The following MGA variants were observed in gnomAD, a reference collection of about 807,000 sequenced individuals.
MGA encodes MAX gene-associated protein.
A neutral mutation model predicts 261.1 loss-of-function variants in MGA; 40 were observed. The observed-to-expected ratio is 0.15, with a 90% CI of 0.12 to 0.20. The LOEUF is 0.20. Ranked by LOEUF, MGA falls within the 10% of genes least tolerant of loss-of-function variation. The probability of loss-of-function intolerance (pLI) is 1.00; values close to 1 mark genes in which losing one functional copy is unlikely to be tolerated. For synonymous variants in MGA, 1,302 were observed against 1,290.6 expected (o/e 1.01, Z -0.19); for missense variants, 3,397 against 3,630.5 (o/e 0.94, Z 1.65).
At chr15:41,675,496 C>T (rs1022259446) in intron 2 of MGA, among the ~76,000 whole-genome samples, 2 of 151,966 alleles carry the variant, frequency 1.3e-5, no homozygotes, top group South Asian at 4.1e-4. Flanking sequence ...GTCTCAGCCT[C>T]CCTAGTAGCT....
intron 1 of MGA, among the ~76,000 whole-genome samples, chr15:41,660,907 C>T (rs28444909): frequency 0.26 from 39,784 of 152,082 alleles, 6,420 homozygotes; most frequent in Non-Finnish European, 0.36. Context: ...CGCCCGGCGC[C>T]GGGCTCTAGG....
At chr15:41,711,584 C>G (rs2060387288) in intron 8 of MGA, among the ~76,000 whole-genome samples, 1 of 152,150 alleles carries the variant, frequency 6.6e-6, no homozygotes, top group South Asian at 2.1e-4. Flanking sequence ...TTTGAATAAC[C>G]TCTCTCTCCT....
In MGA at chr15:41,668,861, C is replaced by T; in HGVS notation, c.-34C>T. ...GGCCATTGTGACTATGTGGTGATTACAGTTGTCTTACTACTGAGTTTCCTA... is the reference window on the plus strand; with the variant it reads ...GGCCATTGTGACTATGTGGTGATTATAGTTGTCTTACTACTGAGTTTCCTA... On this transcript the variant is annotated 5_prime_UTR_variant, in exon 2 of 24. Coordinates refer to ENST00000219905, the MANE Select transcript of MGA (RefSeq NM_001164273.2). 6.8e-7 allele frequency: 1 copy of T among 1,474,140 alleles called. No individual in the cohort carries two copies. Among genetic ancestry groups the T allele is most frequent in the Non-Finnish European group, 9.1e-7 (1 of 1,094,598 alleles). The allele number at this position is 1,474,140 out of a possible 1,614,324, so 91.3% of individuals were successfully genotyped here.
chr15:41,667,932 T>C (rs958859397), intron 1 of MGA, among the ~76,000 whole-genome samples: 3 of 152,006 alleles, frequency 2.0e-5, no homozygotes, highest in African/African-American at 7.2e-5. Flanking sequence ...GCCTCCTGAG[T>C]AGCTGGGACT....
intron 9 of MGA, among the ~76,000 whole-genome samples, chr15:41,721,709 A>G (rs1395101587): frequency 2.0e-5 from 3 of 152,172 alleles, no homozygotes; most frequent in Non-Finnish European, 2.9e-5. Flanking sequence ...ACTAATACCA[A>G]CTATTGATAA....
chr15:41,717,290 T>C (rs531127457), intron 9 of MGA, among the ~76,000 whole-genome samples: 1 of 152,284 alleles, frequency 6.6e-6, no homozygotes, highest in African/African-American at 2.4e-5. Flanking sequence ...TTGTGGGTAG[T>C]ACCAAGGGAA....
chr15:41,709,786 CTTT>C (rs59998889), intron 7 of MGA, among the ~76,000 whole-genome samples: 7 of 135,292 alleles, frequency 5.2e-5, no homozygotes, highest in African/African-American at 1.1e-4. Context: ...GCTTTAATTT[CTTT>C]TTTTTTTTTT....
chr15:41,740,349 G>T, intron 14 of MGA, 146 bp downstream of exon 14: 1 of 886,130 alleles, frequency 1.1e-6, no homozygotes, highest in African/African-American at 1.7e-5. Context: ...GGACTTTTTT[G>T]ATTGTTTGGG....
chr15:41,743,121 C>T lies in MGA; in HGVS notation c.5161C>T (p.Pro1721Ser). The T allele has an allele frequency of 6.2e-7, 1 of 1,613,384 alleles. No homozygotes were observed. Among genetic ancestry groups the T allele is most frequent in the East Asian group, 2.2e-5 (1 of 44,868 alleles). Residue 1721 changes from proline to serine, a missense_variant, in exon 15 of 24, where the codon CCT becomes TCT. Physicochemically the swap from Pro to Ser is moderately conservative, Grantham distance 74. Coordinates refer to ENST00000219905, the MANE Select transcript of MGA (RefSeq NM_001164273.2). ...ACCAACTTCATCTCTGGGCTCTGTTCCTATTATACTCTCAGGAATTAATGG... is the reference window on the plus strand; with the variant it reads ...ACCAACTTCATCTCTGGGCTCTGTTTCTATTATACTCTCAGGAATTAATGG...
chr15:41,671,080 T>G (rs1344596149), intron 2 of MGA, among the ~76,000 whole-genome samples: 3 of 152,150 alleles, frequency 2.0e-5, no homozygotes, highest in African/African-American at 7.2e-5. Flanking sequence ...ATCCTCAGAT[T>G]TTGGTATCTG....
At chr15:41,731,323 C>G (rs1383039941) in intron 11 of MGA, among the ~76,000 whole-genome samples, 2 of 152,004 alleles carry the variant, frequency 1.3e-5, no homozygotes, top group African/African-American at 4.8e-5. Flanking sequence ...AGCATTTATG[C>G]ATGTATCTAT....
chr15:41,727,075 G>A (rs1208998764), intron 9 of MGA, 105 bp from the exon 10 acceptor site: 2 of 774,198 alleles, frequency 2.6e-6, no homozygotes, highest in Non-Finnish European at 4.1e-6. Flanking sequence ...TTATTTTAAC[G>A]AGTTACTGCC....
chr15:41,683,366 A>C (rs956536529), intron 2 of MGA, among the ~76,000 whole-genome samples: 1 of 151,750 alleles, frequency 6.6e-6, no homozygotes, highest in Non-Finnish European at 1.5e-5. Flanking sequence ...GGGACTGACT[A>C]CAGGTGTGCA....
intron 1 of MGA, among the ~76,000 whole-genome samples, chr15:41,661,202 G>A (rs2057376384): frequency 6.6e-6 from 1 of 152,182 alleles, no homozygotes; most frequent in Non-Finnish European, 1.5e-5. Context: ...CAGGTGGGAA[G>A]AGCAGGTGTT....
intron 9 of MGA, among the ~76,000 whole-genome samples, chr15:41,719,148 G>A (rs1055867432): frequency 1.3e-5 from 2 of 151,980 alleles, no homozygotes; most frequent in African/African-American, 2.4e-5. Flanking sequence ...ATTTAAAATA[G>A]CATCCAACGA....
chr15:41,636,090 T>C (rs1208908048), intron 1 of MGA, among the ~76,000 whole-genome samples: 1 of 152,086 alleles, frequency 6.6e-6, no homozygotes, highest in African/African-American at 2.4e-5. Flanking sequence ...GCATTTACTA[T>C]ACTATACTTT....
intron 22 of MGA, 102 bp downstream of exon 22, chr15:41,762,464 T>TTTTTTTTTG (rs2063528151): frequency 1.0e-5 from 2 of 195,670 alleles, no homozygotes; most frequent in African/African-American, 4.6e-5. Context: ...TTGTGTGGTT[T>TTTTTTTTTG]TTTTTTTTTT....
At chr15:41,692,680 C>T (rs1188708979) in intron 2 of MGA, among the ~76,000 whole-genome samples, 1 of 152,144 alleles carries the variant, frequency 6.6e-6, no homozygotes, top group Non-Finnish European at 1.5e-5. Flanking sequence ...CTTCCACATT[C>T]TAACTGGAGG....
chr15:41,754,559 C>A lies in MGA; in HGVS notation c.7131C>A (p.Phe2377Leu). The A allele has an allele frequency of 6.3e-7, 1 of 1,576,262 alleles. No individual in the cohort carries two copies. The highest frequency in any genetic ancestry group is 8.6e-7 in the Non-Finnish European group (1 of 1,162,906). ...CCACAGCGGCCCACACACAGTCATT[C>A]AAACAGCCGTAAGTCTTATTTCTCT... Residue 2377 changes from phenylalanine to leucine, a missense_variant, in exon 18 of 24, where the codon TTC becomes TTA. Physicochemically the swap from Phe to Leu is conservative, Grantham distance 22. Around this residue, in one of 9 missense-constraint regions of MGA, gnomAD observed 1,410 missense variants for 1,386.4 expected, o/e 1.02. Coordinates refer to ENST00000219905, the MANE Select transcript of MGA (RefSeq NM_001164273.2).
Sources: allele counts gnomAD v4.1 joint callset (sites outside exome capture counted in the v4.1 genomes callset), GRCh38; gene constraint gnomAD v4.1.1; regional missense constraint gnomAD v4.1.1; transcripts MANE v1.5; gene names NCBI Gene and HGNC (gene_info 2026-07-23, HGNC 2026-07-21).